TFAP2D: variants seen among roughly 807,000 people sequenced by gnomAD.
TFAP2D encodes transcription factor AP-2-delta.
Under a neutral mutation model 43.6 loss-of-function variants are expected in TFAP2D, and 9 were observed. The ratio of observed to expected loss-of-function variants is 0.21; its 90% CI spans 0.12 to 0.36. TFAP2D has a LOEUF of 0.36. TFAP2D is among the 10% of genes least tolerant of loss of function. TFAP2D has a pLI of 1.00. For missense variants in TFAP2D, 513 were observed against 561.4 expected, an observed-to-expected ratio of 0.91 and a Z score of 0.87; for synonymous variants, 256 against 224.9, an observed-to-expected ratio of 1.14 and a Z score of -1.24.
In TFAP2D at chr6:50,772,705, A is replaced by C. The variant is rs375378399; in HGVS notation, c.1200A>C (p.Thr400=). Reference sequence around the variant, plus strand: ...GTGCAGCTCTAAGCACTTTCCAAACAGTTCTCAGTGAAATGCTGAACTACT... The same window carrying C: ...GTGCAGCTCTAAGCACTTTCCAAACCGTTCTCAGTGAAATGCTGAACTACT... ...AICAALSTFQ[T]VLSEMLNYLE... is the part of the protein sequence containing the mutation. The change falls in exon 8 of 8, where the codon ACA becomes ACC. Residue 400 remains threonine (T), a synonymous_variant. Coordinates refer to ENST00000008391, the MANE Select transcript of TFAP2D (RefSeq NM_172238.4). The C allele has an allele frequency of 5.5e-5, 88 of 1,614,058 alleles. No individual in the cohort carries two copies. Among genetic ancestry groups the C allele is most frequent in the Non-Finnish European group, 7.1e-5 (84 of 1,180,018 alleles).
chr6:50,739,088 A>G (rs1769001610), intron 5 of TFAP2D, among the ~76,000 whole-genome samples: 1 of 152,098 alleles, frequency 6.6e-6, no homozygotes, highest in East Asian at 1.9e-4. Flanking sequence ...TTTTTCTATG[A>G]TACTTTAAGT....
intron 5 of TFAP2D, among the ~76,000 whole-genome samples, chr6:50,740,121 G>A (rs1261165889): frequency 6.6e-6 from 1 of 152,054 alleles, no homozygotes; most frequent in Non-Finnish European, 1.5e-5. Context: ...GATAGTTCTT[G>A]GAATAATCCC....
At chr6:50,761,410 C>T (rs1170565624) in intron 7 of TFAP2D, among the ~76,000 whole-genome samples, 2 of 151,898 alleles carry the variant, frequency 1.3e-5, no homozygotes, top group East Asian at 3.9e-4. Flanking sequence ...GCTTTTTGTA[C>T]CCCAAAAGAA....
At chr6:50,755,850 CAT>C (rs1471234026) in intron 7 of TFAP2D, among the ~76,000 whole-genome samples, 22 of 151,830 alleles carry the variant, frequency 1.4e-4, no homozygotes, top group East Asian at 5.8e-4. Flanking sequence ...TCTGGGTAAA[CAT>C]GTGTTAGCAT....
At chr6:50,725,634 A>G (rs1387347334) in intron 3 of TFAP2D, among the ~76,000 whole-genome samples, 1 of 152,234 alleles carries the variant, frequency 6.6e-6, no homozygotes, top group African/African-American at 2.4e-5. Flanking sequence ...ACTACTGTAA[A>G]TGGCTTGGTG....
intron 5 of TFAP2D, among the ~76,000 whole-genome samples, chr6:50,738,889 T>C (rs1768999005): frequency 6.6e-6 from 1 of 152,166 alleles, no homozygotes; most frequent in Non-Finnish European, 1.5e-5. Flanking sequence ...TAGTGGCTGC[T>C]TTCCCTTTTG....
At position 50,720,008 on chromosome 6, in the gene TFAP2D, C is replaced by T. The variant is rs534001669; in HGVS notation, c.598+858C>T. On this transcript the variant is annotated intron_variant, in intron 3 of 7. Transcript: ENST00000008391. ...GCTAGCTTCCCCTACTTAACTGTACCCAAAGCCTCTGAAGTTTATTTTTCT... is the reference window on the plus strand; with the variant it reads ...GCTAGCTTCCCCTACTTAACTGTACTCAAAGCCTCTGAAGTTTATTTTTCT... Among the ~76,000 whole-genome samples, 7 of 152,276 alleles carry T rather than the reference C, an allele frequency of 4.6e-5. No individual in the cohort carries two copies. The East Asian group carries it at 1.4e-3, about 29-fold the overall frequency.
chr6:50,750,775 A>G (rs1739965178), intron 6 of TFAP2D, among the ~76,000 whole-genome samples: 1 of 152,016 alleles, frequency 6.6e-6, no homozygotes, highest in African/African-American at 2.4e-5. Context: ...CAATATTGGG[A>G]AAAAAGGATT....
At position 50,713,544 on chromosome 6, in the gene TFAP2D, A is replaced by G. The variant is rs182243525; in HGVS notation, c.-512A>G. Among the ~76,000 whole-genome samples the G allele has an allele frequency of 1.1e-4, 17 of 152,348 alleles. No individual in the cohort carries two copies. The highest frequency in any genetic ancestry group is 4.1e-4 in the African/African-American group (17 of 41,580). On this transcript the variant is annotated 5_prime_UTR_variant, in exon 1 of 8. Coordinates refer to ENST00000008391, the MANE Select transcript of TFAP2D (RefSeq NM_172238.4). Reference sequence around the variant, plus strand: ...ATATTGGAGCTAGAGCTCTAGCTTCACAATAAAATGTGTGCAAATACTCTC... The same window carrying G: ...ATATTGGAGCTAGAGCTCTAGCTTCGCAATAAAATGTGTGCAAATACTCTC...
intron 5 of TFAP2D, among the ~76,000 whole-genome samples, chr6:50,730,392 G>T (rs1768869475): frequency 2.0e-5 from 3 of 152,006 alleles, no homozygotes; most frequent in Non-Finnish European, 4.4e-5. Flanking sequence ...CATTTACTGT[G>T]TTACTATTAC....
chr6:50,718,816 T>C (rs903947776), intron 2 of TFAP2D, among the ~76,000 whole-genome samples: 4 of 152,216 alleles, frequency 2.6e-5, no homozygotes, highest in African/African-American at 7.2e-5. Context: ...CATTCTCTTA[T>C]GCCAAGATGA....
intron 5 of TFAP2D, among the ~76,000 whole-genome samples, chr6:50,739,700 T>A (rs1035818552): frequency 6.6e-6 from 1 of 152,176 alleles, no homozygotes; most frequent in African/African-American, 2.4e-5. Flanking sequence ...CTCTAGTTCT[T>A]CCCTATATTC....
chr6:50,747,560 C>T (rs1423662101), intron 6 of TFAP2D, among the ~76,000 whole-genome samples: 1 of 152,062 alleles, frequency 6.6e-6, no homozygotes, highest in Non-Finnish European at 1.5e-5. Flanking sequence ...TCTTGTCCTC[C>T]TTCCCCCAGG....
intron 6 of TFAP2D, among the ~76,000 whole-genome samples, chr6:50,745,961 T>A (rs1769120124): frequency 6.6e-6 from 1 of 152,142 alleles, no homozygotes. Flanking sequence ...AGTTCGTCGA[T>A]AATTAGTGGG....
chr6:50,736,372 T>C (rs912890167), intron 5 of TFAP2D, among the ~76,000 whole-genome samples: 2 of 152,112 alleles, frequency 1.3e-5, no homozygotes, highest in East Asian at 3.9e-4. Flanking sequence ...GACTATTAGG[T>C]TTCGTATCAT....
intron 2 of TFAP2D, among the ~76,000 whole-genome samples, chr6:50,718,490 A>G (rs538936329): frequency 6.6e-6 from 1 of 152,296 alleles, no homozygotes; most frequent in South Asian, 2.1e-4. Context: ...AAAATCAGCA[A>G]ACTCTTTCCA....
intron 6 of TFAP2D, among the ~76,000 whole-genome samples, chr6:50,747,769 G>A (rs1234569250): frequency 2.0e-5 from 3 of 152,054 alleles, no homozygotes; most frequent in Non-Finnish European, 1.5e-5. Context: ...ATCCATATTT[G>A]TCAAAATTAT....
chr6:50,742,945 C>T (rs1008289505), intron 5 of TFAP2D, among the ~76,000 whole-genome samples: 14 of 87,268 alleles, frequency 1.6e-4, no homozygotes, highest in Admixed American at 4.6e-4. Context: ...GGCATAACAA[C>T]GACTTTAAAA....
chr6:50,772,662 T>G lies in TFAP2D; in HGVS notation c.1157T>G (p.Phe386Cys). 1 of 1,614,118 alleles carries G rather than the reference T, an allele frequency of 6.2e-7. No individual in the cohort carries two copies. The highest frequency in any genetic ancestry group is 1.1e-5 in the South Asian group (1 of 91,088). The part of the protein sequence containing the change: ...LTHFSLITHG[F>C]GTPAICAALS... ...ATTTCCAGTTTGATCACTCATGGCT[T>G]TGGGACTCCGGCAATATGTGCAGCT... Residue 386 changes from phenylalanine (F) to cysteine (C), a missense_variant, in exon 8 of 8, where the codon TTT becomes TGT. Phe to Cys is a radical substitution (Grantham distance 205, BLOSUM62 -2). Transcript: ENST00000008391.
Sources: allele counts gnomAD v4.1 joint callset (sites outside exome capture counted in the v4.1 genomes callset), GRCh38; gene constraint gnomAD v4.1.1; transcripts MANE v1.5; gene names NCBI Gene and HGNC (gene_info 2026-07-23, HGNC 2026-07-21).